The following CPT2 variants were observed in gnomAD, a reference collection of about 807,000 sequenced individuals.
The protein encoded by CPT2 is carnitine O-palmitoyltransferase 2, mitochondrial.
A neutral mutation model predicts 48.6 loss-of-function variants in CPT2; 37 were observed. The ratio of observed to expected loss-of-function variants is 0.76; its 90% CI spans 0.59 to 1.00. The LOEUF (loss-of-function observed/expected upper bound fraction) is 1.00, where lower values mean the gene tolerates loss of function less well. Ranked by LOEUF, CPT2 falls within the 50% of genes least tolerant of loss-of-function variation. The pLI is 0.00. For missense variants in CPT2, 772 were observed against 825.6 expected (o/e 0.94, Z 0.80); for synonymous variants, 319 against 326.9 (o/e 0.98, Z 0.26).
chr1:53,212,066 A>ATT (rs1645432416), intron 4 of CPT2, among the ~76,000 whole-genome samples: 1 of 42,418 alleles, frequency 2.4e-5, no homozygotes, highest in African/African-American at 1.0e-4. Flanking sequence ...CTGATATTTT[A>ATT]ATTTTTTTTT....
intron 3 of CPT2, among the ~76,000 whole-genome samples, chr1:53,204,729 T>G (rs1031280130): frequency 6.6e-6 from 1 of 152,188 alleles, no homozygotes; most frequent in African/African-American, 2.4e-5. Flanking sequence ...GATTGGATCA[T>G]GGGGGCAGTT....
At chr1:53,205,109 G>T (rs185500595) in intron 3 of CPT2, among the ~76,000 whole-genome samples, 3 of 152,346 alleles carry the variant, frequency 2.0e-5, no homozygotes, top group Admixed American at 2.0e-4. Flanking sequence ...GGAGGGGTCA[G>T]AAGAAGACAG....
In CPT2 at chr1:53,196,906, C is replaced by T; in HGVS notation, c.-38C>T. On this transcript the variant is annotated 5_prime_UTR_variant, in exon 1 of 5. Coordinates refer to ENST00000371486, the MANE Select transcript of CPT2 (RefSeq NM_000098.3). ...CTTGTGTTTAGACTCCAGAACTCCC[C>T]ACTTGCCGCGTTCTCGCCGCCGCAG... 2 of 1,536,192 alleles carry T rather than the reference C, an allele frequency of 1.3e-6. No homozygotes were observed. Among genetic ancestry groups the T allele is most frequent in the Non-Finnish European group, 1.7e-6 (2 of 1,149,280 alleles).
chr1:53,210,926 G>A lies in CPT2; in HGVS notation c.1252G>A (p.Glu418Lys), dbSNP rs867886479. The change falls in exon 4 of 5, where the codon GAG (glutamate) becomes AAG (lysine). Residue 418 changes from glutamate (E) to lysine (K), a missense_variant. Physicochemically the swap from Glu to Lys is moderately conservative, Grantham distance 56. Coordinates refer to ENST00000371486, the MANE Select transcript of CPT2 (RefSeq NM_000098.3). Reference protein sequence around the residue: ...STVTVQKLNFELTDALKTGIT... With the variant: ...STVTVQKLNFKLTDALKTGIT... ...TGTCACGGTGCAGAAACTCAACTTC[G>A]AGCTGACTGATGCCTTAAAGACTGG... The A allele has an allele frequency of 3.7e-6, 6 of 1,614,120 alleles. No individual in the cohort carries two copies. Among genetic ancestry groups the A allele is most frequent in the African/African-American group, 1.3e-5 (1 of 75,020 alleles).
intron 3 of CPT2, chr1:53,209,561 A>C (rs1362587713): frequency 4.9e-6 from 1 of 202,496 alleles, no homozygotes; most frequent in Non-Finnish European, 1.0e-5. Context: ...GGATCACCTG[A>C]GGTCAGGAGT....
Position 53,210,706 on chromosome 1 carries a change from T to C in CPT2, c.1032T>C (p.His344=), listed in dbSNP as rs747352901. The C allele has an allele frequency of 3.7e-6, 6 of 1,614,082 alleles. No individual in the cohort carries two copies. In the African/African-American group the frequency reaches 6.7e-5, roughly 18 times the overall value. Residue 344 remains histidine, a synonymous_variant, in exon 4 of 5, where the codon CAT becomes CAC. Transcript: ENST00000371486. The part of the protein sequence containing the change: ...DLVHLSHNML[H]GDGTNRWFDK... ...TCCACTTGTCCCACAATATGCTGCA[T>C]GGGGATGGCACAAACCGCTGGTTTG...
At chr1:53,212,465 A>G (rs1306999657) in intron 4 of CPT2, among the ~76,000 whole-genome samples, 1 of 152,036 alleles carries the variant, frequency 6.6e-6, no homozygotes, top group East Asian at 1.9e-4. Flanking sequence ...CTCCCAAAGC[A>G]CTAGGATTAT....
In CPT2 at chr1:53,210,696, A is replaced by G. The variant is rs778946896; in HGVS notation, c.1022A>G (p.Asn341Ser). 3 of 1,614,172 alleles carry G rather than the reference A, an allele frequency of 1.9e-6. No homozygotes were observed. In the South Asian group the frequency reaches 3.3e-5, roughly 18 times the overall value. Residue 341 changes from asparagine to serine, a missense_variant, in exon 4 of 5, where the codon AAT becomes AGT. Asn to Ser is a conservative substitution (Grantham distance 46). Transcript: ENST00000371486. ...AAGGACCTTGTCCACTTGTCCCACA[A>G]TATGCTGCATGGGGATGGCACAAAC... ...PIKDLVHLSH[N>S]MLHGDGTNRW... is the part of the protein sequence containing the mutation.
At chr1:53,204,615 G>A (rs186925686) in intron 3 of CPT2, among the ~76,000 whole-genome samples, 1 of 152,168 alleles carries the variant, frequency 6.6e-6, no homozygotes, top group East Asian at 1.9e-4. Flanking sequence ...GTCAGTTACA[G>A]GCTTTGCTCT....
intron 3 of CPT2, 69 bp from the exon 4 acceptor site, chr1:53,209,946 T>A: frequency 7.3e-7 from 1 of 1,372,368 alleles, no homozygotes; most frequent in East Asian, 2.3e-5. Flanking sequence ...GAATTTTTTT[T>A]CTTCTTCAAA....
chr1:53,211,406 T>A, intron 4 of CPT2, 87 bp downstream of exon 4: 5 of 1,345,832 alleles, frequency 3.7e-6, no homozygotes, highest in East Asian at 5.0e-5. Context: ...CAAATCTGAT[T>A]TCTACCCGTT....
intron 3 of CPT2, among the ~76,000 whole-genome samples, chr1:53,206,317 T>C (rs1367073997): frequency 6.6e-6 from 1 of 151,854 alleles, no homozygotes; most frequent in Non-Finnish European, 1.5e-5. Context: ...GCAATGCAGA[T>C]GGGAAATATG....
chr1:53,213,614 GCTA>G lies in CPT2; in HGVS notation c.*21_*23del. On this transcript the variant is annotated 3_prime_UTR_variant, in exon 5 of 5. Transcript: ENST00000371486. ...AAGTTAACTTCTGGGCAGATGAAAA[GCTA>G]CCATCACTTCCTCATCATGAAAACT... is the stretch of plus-strand genomic sequence containing the variant. The G allele has an allele frequency of 1.9e-6, 3 of 1,604,042 alleles. No homozygotes were observed. Among genetic ancestry groups the G allele is most frequent in the Non-Finnish European group, 2.6e-6 (3 of 1,173,990 alleles).
intron 3 of CPT2, chr1:53,202,766 CCAG>C: frequency 3.0e-6 from 1 of 330,868 alleles, no homozygotes; most frequent in Non-Finnish European, 5.8e-6. Flanking sequence ...ACTGTCCTCT[CCAG>C]CCTCTTCTCT....
chr1:53,212,190 G>A (rs1373618929), intron 4 of CPT2, among the ~76,000 whole-genome samples: 1 of 150,746 alleles, frequency 6.6e-6, no homozygotes, highest in South Asian at 2.1e-4. Context: ...TCAGCCTCCT[G>A]AGTAGTTGGG....
intron 3 of CPT2, among the ~76,000 whole-genome samples, chr1:53,206,764 A>G (rs1033659845): frequency 6.6e-6 from 1 of 152,256 alleles, no homozygotes; most frequent in African/African-American, 2.4e-5. Context: ...TTACAGACTC[A>G]TAGGCAGAAG....
chr1:53,210,771 C>G lies in CPT2; in HGVS notation c.1097C>G (p.Thr366Ser), dbSNP rs746284903. The G allele has an allele frequency of 1.9e-6, 3 of 1,614,172 alleles. No individual in the cohort carries two copies. In the South Asian group the frequency reaches 3.3e-5, roughly 18 times the overall value. ...FNLIIAKDGS[T>S]AVHFEHSWGD... Reference sequence around the variant, plus strand: ...CTCATTATCGCCAAGGATGGCTCTACTGCCGTCCACTTTGAGCACTCTTGG... The same window carrying G: ...CTCATTATCGCCAAGGATGGCTCTAGTGCCGTCCACTTTGAGCACTCTTGG... The change falls in exon 4 of 5, where the codon ACT (threonine) becomes AGT (serine). Residue 366 changes from threonine (T) to serine (S), a missense_variant. By Grantham distance (58) the Thr-to-Ser change is moderately conservative. Coordinates refer to ENST00000371486, the MANE Select transcript of CPT2 (RefSeq NM_000098.3).
At chr1:53,201,904 A>G (rs1557713820) in intron 2 of CPT2, 1 of 221,776 alleles carries the variant, frequency 4.5e-6, no homozygotes, top group South Asian at 6.7e-5. Flanking sequence ...AGCTTTATAA[A>G]TATTTTTAAT....
At chr1:53,211,491 A>G (rs1296112216) in intron 4 of CPT2, 172 bp downstream of exon 4, 1 of 634,612 alleles carries the variant, frequency 1.6e-6, no homozygotes, top group Non-Finnish European at 2.8e-6. Flanking sequence ...CACACTAGCC[A>G]CTAGGGATCA....
Sources: gnomAD v4.1 joint callset for allele counts (sites outside exome capture counted in the v4.1 genomes callset) on GRCh38, gnomAD v4.1.1 for gene constraint, MANE v1.5 for transcripts, NCBI Gene and HGNC (gene_info 2026-07-23, HGNC 2026-07-21) for gene names.